Variants in RECK observed in about 807,000 individuals in gnomAD.
RECK encodes the protein reversion-inducing cysteine-rich protein with Kazal motifs.
A neutral mutation model predicts 115.1 loss-of-function variants in RECK; 69 were observed. The observed-to-expected ratio is 0.60, with a 90% CI of 0.49 to 0.73. The LOEUF (loss-of-function observed/expected upper bound fraction) is 0.73, where lower values mean the gene tolerates loss of function less well. Among genes scored for constraint, RECK ranks in the 30% least tolerant of loss-of-function variants. RECK has a pLI of 0.00. For missense variants in RECK, 1,047 were observed against 1,203.7 expected (o/e 0.87, Z 1.93); for synonymous variants, 414 against 419.7 (o/e 0.99, Z 0.17).
chr9:36,119,002 C>A, intron 18 of RECK, 35 bp downstream of exon 18: 1 of 1,590,088 alleles, frequency 6.3e-7, no homozygotes, highest in African/African-American at 1.3e-5. Context: ...CAGGGGAGGA[C>A]TGAGAAGATT....
intron 6 of RECK, among the ~76,000 whole-genome samples, chr9:36,070,211 A>T (rs1207677674): frequency 6.6e-6 from 1 of 152,178 alleles, no homozygotes; most frequent in African/African-American, 2.4e-5. Context: ...ACTGGATTTT[A>T]AAAAAATAAT....
intron 1 of RECK, among the ~76,000 whole-genome samples, chr9:36,049,424 T>C (rs1437880766): frequency 6.6e-6 from 1 of 152,152 alleles, no homozygotes; most frequent in African/African-American, 2.4e-5. Flanking sequence ...GTCAGGGGTG[T>C]CTAATCTTTT....
chr9:36,063,728 A>C (rs1277029403), intron 4 of RECK, 67 bp from the exon 5 acceptor site: 11 of 1,444,662 alleles, frequency 7.6e-6, no homozygotes, highest in Admixed American at 1.8e-5. Flanking sequence ...TAGCCTTGAA[A>C]CATCTGGCAT....
chr9:36,051,878 T>G (rs979703768), intron 1 of RECK, among the ~76,000 whole-genome samples: 1 of 152,190 alleles, frequency 6.6e-6, no homozygotes, highest in Non-Finnish European at 1.5e-5. Context: ...AAAACAAAAT[T>G]CACTATCTTT....
intron 6 of RECK, chr9:36,066,660 C>A (rs1035111627): frequency 7.4e-6 from 3 of 407,094 alleles, no homozygotes; most frequent in Non-Finnish European, 7.9e-6. Context: ...ATTTTCTTAT[C>A]TCTCTATCTT....
At chr9:36,050,016 C>T (rs978076969) in intron 1 of RECK, among the ~76,000 whole-genome samples, 2 of 152,170 alleles carry the variant, frequency 1.3e-5, no homozygotes, top group African/African-American at 4.8e-5. Context: ...TCTTCCCATA[C>T]ATTGACCGTT....
At chr9:36,101,981 CATGTT>C in intron 11 of RECK, 108 bp from the exon 12 acceptor site, 5 of 1,005,242 alleles carry the variant, frequency 5.0e-6, no homozygotes, top group Non-Finnish European at 5.8e-6. Flanking sequence ...TCTTTTGAAA[CATGTT>C]AAGTTATGAA....
At chr9:36,042,171 A>G (rs1320464155) in intron 1 of RECK, among the ~76,000 whole-genome samples, 1 of 151,774 alleles carries the variant, frequency 6.6e-6, no homozygotes, top group Non-Finnish European at 1.5e-5. Context: ...ACTACAGTGT[A>G]CCCAATGTGC....
chr9:36,043,046 G>A (rs71521297), intron 1 of RECK, among the ~76,000 whole-genome samples: 5 of 74,038 alleles, frequency 6.8e-5, no homozygotes, highest in African/African-American at 3.0e-4. Context: ...TTTTTGTTGA[G>A]ACGGAGTCTC....
intron 10 of RECK, among the ~76,000 whole-genome samples, chr9:36,095,934 G>T (rs922834010): frequency 3.3e-5 from 5 of 150,178 alleles, no homozygotes; most frequent in Non-Finnish European, 7.4e-5. Flanking sequence ...AAATTAGCCA[G>T]GCATGGTGGC....
intron 14 of RECK, 52 bp from the exon 15 acceptor site, chr9:36,109,905 T>C: frequency 6.6e-7 from 1 of 1,512,250 alleles, no homozygotes; most frequent in Non-Finnish European, 9.1e-7. Context: ...TAATACGTGC[T>C]CTATTTCTCA....
At chr9:36,045,405 A>T (rs1198813697) in intron 1 of RECK, among the ~76,000 whole-genome samples, 1 of 152,160 alleles carries the variant, frequency 6.6e-6, no homozygotes. Context: ...TTTTAAATTA[A>T]TTTTTTAAAT....
Position 36,073,371 on chromosome 9 carries a change from G to A in RECK, c.406-7234G>A, listed in dbSNP as rs184181675. On this transcript the variant is annotated intron_variant, in intron 6 of 20. Coordinates refer to ENST00000377966, the MANE Select transcript of RECK (RefSeq NM_021111.3). Reference sequence around the variant, plus strand: ...CAGGCACATCAACTTAAATGCCTGAGAGGTATTGTCTACTCTTTCCTCTTT... The same window carrying A: ...CAGGCACATCAACTTAAATGCCTGAAAGGTATTGTCTACTCTTTCCTCTTT... Among the ~76,000 whole-genome samples, 1,088 of 152,104 alleles carry A rather than the reference G, an allele frequency of 7.2e-3. 12 individuals carry two copies. Among genetic ancestry groups the A allele is most frequent in the African/African-American group, 0.023 (969 of 41,464 alleles).
Position 36,118,764 on chromosome 9 carries a change from G to A in RECK, c.2261G>A (p.Cys754Tyr). The A allele has an allele frequency of 1.2e-6, 2 of 1,613,728 alleles. No individual in the cohort carries two copies. The highest frequency in any genetic ancestry group is 8.5e-7 in the Non-Finnish European group (1 of 1,179,882). Residue 754 changes from cysteine (C) to tyrosine (Y), a missense_variant, in exon 18 of 21, where the codon TGC (cysteine) becomes TAC (tyrosine). Physicochemically the swap from Cys to Tyr is radical, Grantham distance 194. Transcript: ENST00000377966. ...TGATTTGTTTGCCCTCAGCCCTTTT[G>A]CAGAGCAACCGAGCCCGTATGTGGG... is the stretch of plus-strand genomic sequence containing the variant. ...LSYKGPCQPF[C>Y]RATEPVCGHN...
In RECK at chr9:36,102,117, A is replaced by G. The variant is rs140988213; in HGVS notation, c.1322A>G (p.Lys441Arg). Residue 441 changes from lysine (K) to arginine (R), a missense_variant, in exon 12 of 21, where the codon AAA becomes AGA. By Grantham distance (26) the Lys-to-Arg change is conservative (BLOSUM62 2). Transcript: ENST00000377966. ...ICKSDCVEIL[K>R]KCGDQNKFPE... is the part of the protein sequence containing the mutation. ...AGATCAGATTGTGTGGAGATTCTTA[A>G]AAAATGTGGAGACCAGAACAAATTC... is the stretch of plus-strand genomic sequence containing the variant. The G allele has an allele frequency of 5.4e-5, 87 of 1,613,400 alleles. No homozygotes were observed. The African/African-American group carries it at 1.0e-3, about 19-fold the overall frequency.
chr9:36,089,017 G>T (rs1164409603), intron 9 of RECK, among the ~76,000 whole-genome samples: 1 of 152,098 alleles, frequency 6.6e-6, no homozygotes, highest in East Asian at 1.9e-4. Context: ...TGAAGACTCC[G>T]TCTCAAAATA....
chr9:36,097,327 C>CAAAAA (rs56837267), intron 10 of RECK, among the ~76,000 whole-genome samples: 3 of 69,640 alleles, frequency 4.3e-5, no homozygotes, highest in Admixed American at 1.8e-4. Context: ...GACTCCATCT[C>CAAAAA]AAAAAAAAAA....
At chr9:36,087,617 G>A (rs1052286693) in intron 8 of RECK, 77 bp from the exon 9 acceptor site, 68 of 1,457,750 alleles carry the variant, frequency 4.7e-5, no homozygotes, top group Admixed American at 3.3e-4. Context: ...TTCTGCACAT[G>A]TATCCCAGAA....
chr9:36,075,848 C>T (rs941670304), intron 6 of RECK, among the ~76,000 whole-genome samples: 1 of 152,142 alleles, frequency 6.6e-6, no homozygotes, highest in Non-Finnish European at 1.5e-5. Flanking sequence ...ATAAAATGTG[C>T]TCTTTTGGGT....
Sources: allele counts gnomAD v4.1 joint callset (sites outside exome capture counted in the v4.1 genomes callset), GRCh38; gene constraint gnomAD v4.1.1; transcripts MANE v1.5; gene names NCBI Gene and HGNC (gene_info 2026-07-23, HGNC 2026-07-21).